Variants in IGSF11 observed in about 807,000 individuals in gnomAD.
The protein encoded by IGSF11 is CXADR like 1.
A neutral mutation model predicts 41.0 loss-of-function variants in IGSF11; 22 were observed. That is an observed-to-expected ratio of 0.54 (90% CI 0.38 to 0.77). The LOEUF (loss-of-function observed/expected upper bound fraction) is 0.77, where lower values mean the gene tolerates loss of function less well. IGSF11 is among the 30% of genes least tolerant of loss of function. IGSF11 has a pLI of 0.00. For synonymous variants in IGSF11, 219 were observed against 201.3 expected, an observed-to-expected ratio of 1.09 and a Z score of -0.74; for missense variants, 444 against 530.8, an observed-to-expected ratio of 0.84 and a Z score of 1.61.
At chr3:119,125,963 G>A (rs2077399356) in intron 1 of IGSF11, among the ~76,000 whole-genome samples, 1 of 152,230 alleles carries the variant, frequency 6.6e-6, no homozygotes, top group South Asian at 2.1e-4. Context: ...CCTGGAATGC[G>A]TGGATTCTTA....
intron 1 of IGSF11, among the ~76,000 whole-genome samples, chr3:119,058,277 G>GA (rs1186937299): frequency 1.3e-5 from 2 of 151,872 alleles, no homozygotes; most frequent in Admixed American, 6.6e-5. Flanking sequence ...AAATTTACAA[G>GA]AAAAAAACAA....
chr3:118,982,207 C>T (rs114820316), intron 1 of IGSF11, among the ~76,000 whole-genome samples: 27 of 152,254 alleles, frequency 1.8e-4, no homozygotes, highest in African/African-American at 6.3e-4. Context: ...TTGTAAGCAT[C>T]TAAGGCCATC....
At chr3:119,139,126 A>T (rs2077604046) in intron 1 of IGSF11, among the ~76,000 whole-genome samples, 1 of 152,168 alleles carries the variant, frequency 6.6e-6, no homozygotes, top group Admixed American at 6.5e-5. Flanking sequence ...ATCTCATTTA[A>T]CCCATAGATA....
chr3:118,912,853 G>C (rs1177068299), intron 4 of IGSF11, among the ~76,000 whole-genome samples: 1 of 152,130 alleles, frequency 6.6e-6, no homozygotes, highest in African/African-American at 2.4e-5. Flanking sequence ...CATAGAAATA[G>C]CCAGGTGCTG....
intron 1 of IGSF11, among the ~76,000 whole-genome samples, chr3:119,137,629 G>A (rs114707099): frequency 0.011 from 1,662 of 152,202 alleles, 21 homozygotes; most frequent in Non-Finnish European, 0.018. Context: ...AAACTTTGGG[G>A]AAACTCTCCA....
At chr3:118,985,135 T>C (rs894554600) in intron 1 of IGSF11, among the ~76,000 whole-genome samples, 1 of 152,212 alleles carries the variant, frequency 6.6e-6, no homozygotes, top group African/African-American at 2.4e-5. Flanking sequence ...CTGAGCCACA[T>C]TAAAATGCAG....
At chr3:119,145,541 C>G (rs539343332) in intron 1 of IGSF11, among the ~76,000 whole-genome samples, 1 of 152,334 alleles carries the variant, frequency 6.6e-6, no homozygotes, top group African/African-American at 2.4e-5. Flanking sequence ...TAACTCGCCT[C>G]TCTGCTGTAA....
intron 1 of IGSF11, among the ~76,000 whole-genome samples, chr3:119,063,564 T>A (rs1191929056): frequency 6.6e-6 from 1 of 152,218 alleles, no homozygotes; most frequent in African/African-American, 2.4e-5. Flanking sequence ...ATGGTTACAT[T>A]TTTTAGTCCC....
upstream of IGSF11, among the ~76,000 whole-genome samples, chr3:119,039,316 T>G (rs947975028): frequency 2.7e-5 from 4 of 150,532 alleles, no homozygotes; most frequent in African/African-American, 4.8e-5. Flanking sequence ...TTTTCTTACC[T>G]TTTTCAGATT....
chr3:119,020,982 T>C (rs1939227594), intron 1 of IGSF11, among the ~76,000 whole-genome samples: 1 of 152,186 alleles, frequency 6.6e-6, no homozygotes, highest in African/African-American at 2.4e-5. Context: ...CAGTGGTGTA[T>C]ATAGCATAGG....
intron 1 of IGSF11, among the ~76,000 whole-genome samples, chr3:119,082,248 A>G (rs1307238105): frequency 6.6e-6 from 1 of 152,220 alleles, no homozygotes; most frequent in Non-Finnish European, 1.5e-5. Context: ...AAAAATGGCA[A>G]CATAAAAGTA....
At chr3:118,908,680 A>T (rs2107477157) in intron 4 of IGSF11, among the ~76,000 whole-genome samples, 1 of 152,320 alleles carries the variant, frequency 6.6e-6, no homozygotes, top group East Asian at 1.9e-4. Context: ...CCACTGTTTT[A>T]GTTCATAGCA....
intron 1 of IGSF11, among the ~76,000 whole-genome samples, chr3:119,063,751 C>T (rs1009325361): frequency 5.3e-5 from 8 of 152,072 alleles, no homozygotes; most frequent in African/African-American, 1.9e-4. Context: ...TTCCTGAATA[C>T]AAATCAGAGG....
intron 1 of IGSF11, among the ~76,000 whole-genome samples, chr3:118,943,541 C>G (rs1943876123): frequency 6.6e-6 from 1 of 152,204 alleles, no homozygotes; most frequent in East Asian, 1.9e-4. Flanking sequence ...CTAGCCAAAT[C>G]TGAACTTCCA....
chr3:119,036,454 G>A (rs1292710193), upstream of IGSF11, among the ~76,000 whole-genome samples: 1 of 152,058 alleles, frequency 6.6e-6, no homozygotes. Context: ...AGCAATATAA[G>A]AAGAAAAACA....
At chr3:118,944,782 G>A (rs1943991238) in intron 1 of IGSF11, 1 of 152,170 alleles carries the variant, frequency 6.6e-6, no homozygotes, top group African/African-American at 2.4e-5. Context: ...TATGTGCCAA[G>A]TATTGTTTTA....
At chr3:118,965,169 T>C (rs1307276660) in intron 1 of IGSF11, among the ~76,000 whole-genome samples, 1 of 152,104 alleles carries the variant, frequency 6.6e-6, no homozygotes, top group Admixed American at 6.5e-5. Flanking sequence ...TATAAAAATA[T>C]ACTTTAGCAT....
At chr3:119,010,266 G>C (rs1030551934) in intron 1 of IGSF11, among the ~76,000 whole-genome samples, 3 of 152,100 alleles carry the variant, frequency 2.0e-5, no homozygotes, top group Non-Finnish European at 4.4e-5. Flanking sequence ...AATTCAGCTG[G>C]TATTCCCCAG....
chr3:119,033,535 T>C (rs1940617711), intron 1 of IGSF11, among the ~76,000 whole-genome samples: 1 of 152,192 alleles, frequency 6.6e-6, no homozygotes, highest in Admixed American at 6.5e-5. Flanking sequence ...CCCTATTCAA[T>C]GAATCTGCAC....
Sources: gnomAD v4.1 joint callset for allele counts (sites outside exome capture counted in the v4.1 genomes callset) on GRCh38, gnomAD v4.1.1 for gene constraint, MANE v1.5 for transcripts, NCBI Gene and HGNC (gene_info 2026-07-23, HGNC 2026-07-21) for gene names.